The following BORCS5 variants were observed in gnomAD, a reference collection of about 807,000 sequenced individuals.
BORCS5 encodes BLOC-1 related complex subunit 5.
Under a neutral mutation model 22.1 loss-of-function variants are expected in BORCS5, and 17 were observed. The observed-to-expected ratio is 0.77, with a 90% CI of 0.53 to 1.15. The LOEUF (loss-of-function observed/expected upper bound fraction) is 1.15, where lower values mean the gene tolerates loss of function less well. Among genes scored for constraint, BORCS5 ranks in the 50% most tolerant of loss-of-function variants. The pLI is 0.00. For missense variants in BORCS5, 247 were observed against 253.2 expected, an observed-to-expected ratio of 0.98 and a Z score of 0.17; for synonymous variants, 117 against 99.8, an observed-to-expected ratio of 1.17 and a Z score of -1.03.
chr12:12,445,424 T>G (rs926714949), intron 3 of BORCS5, among the ~76,000 whole-genome samples: 3 of 150,448 alleles, frequency 2.0e-5, no homozygotes, highest in Non-Finnish European at 4.4e-5. Flanking sequence ...GATGAGATTA[T>G]CAGTGGTATT....
chr12:12,417,666 CTT>C (rs1565890740), intron 2 of BORCS5, among the ~76,000 whole-genome samples: 1 of 151,908 alleles, frequency 6.6e-6, no homozygotes, highest in Non-Finnish European at 1.5e-5. Context: ...ATTTTTAAAT[CTT>C]TTTTTGAGAC....
chr12:12,436,433 C>G (rs1942556623), intron 3 of BORCS5, among the ~76,000 whole-genome samples: 1 of 152,174 alleles, frequency 6.6e-6, no homozygotes, highest in Non-Finnish European at 1.5e-5. Flanking sequence ...GTATCATTGA[C>G]CAGCTGCTGC....
chr12:12,406,845 C>T (rs1033384899), intron 2 of BORCS5, among the ~76,000 whole-genome samples: 2 of 151,618 alleles, frequency 1.3e-5, no homozygotes, highest in African/African-American at 4.8e-5. Flanking sequence ...AAAGCAAGCT[C>T]TTTTGGGAAG....
intron 3 of BORCS5, among the ~76,000 whole-genome samples, chr12:12,458,888 C>T (rs1418790683): frequency 6.7e-6 from 1 of 149,478 alleles, no homozygotes; most frequent in Non-Finnish European, 1.5e-5. Context: ...AGGAGAATTG[C>T]TTGAACCTGG....
intron 3 of BORCS5, among the ~76,000 whole-genome samples, chr12:12,439,275 C>T (rs112574914): frequency 0.012 from 1,880 of 152,160 alleles, 28 homozygotes; most frequent in South Asian, 0.027. Context: ...TGAAGGTGCT[C>T]TAGGTGATTC....
chr12:12,393,339 C>T (rs1278816985), intron 2 of BORCS5, among the ~76,000 whole-genome samples: 3 of 152,060 alleles, frequency 2.0e-5, no homozygotes, highest in Non-Finnish European at 2.9e-5. Context: ...ACCCAGAATA[C>T]TCTCGCAGGT....
At chr12:12,460,578 A>T (rs1252595580) in intron 3 of BORCS5, among the ~76,000 whole-genome samples, 1 of 152,164 alleles carries the variant, frequency 6.6e-6, no homozygotes, top group Non-Finnish European at 1.5e-5. Flanking sequence ...TCTTAGGGAG[A>T]AAAGTGTCTT....
intron 2 of BORCS5, among the ~76,000 whole-genome samples, chr12:12,374,075 C>T (rs1403757907): frequency 6.8e-6 from 1 of 147,828 alleles, no homozygotes. Context: ...GCAAGCTCTG[C>T]CTCCCGGGTT....
chr12:12,394,321 A>G (rs185736616), intron 2 of BORCS5, among the ~76,000 whole-genome samples: 2 of 151,654 alleles, frequency 1.3e-5, no homozygotes, highest in Admixed American at 1.3e-4. Context: ...TTGAGACTCT[A>G]TCTCAAAAAA....
chr12:12,418,291 G>A lies in BORCS5; in HGVS notation c.203-17337G>A, dbSNP rs919109860. ...CTGACCTCGTGATCTGCCCACCTTG[G>A]CCTCCCAAAGTGCTGAGATTACAGG... is the stretch of plus-strand genomic sequence containing the variant. On this transcript the variant is annotated intron_variant, in intron 2 of 3. Transcript: ENST00000314565. 2.6e-5 allele frequency among the ~76,000 whole-genome samples: 4 copies of A among 151,614 alleles called. No individual in the cohort carries two copies. In the East Asian group the frequency reaches 5.8e-4, roughly 22 times the overall value.
At chr12:12,455,593 A>C (rs1352064958) in intron 3 of BORCS5, among the ~76,000 whole-genome samples, 1 of 152,184 alleles carries the variant, frequency 6.6e-6, no homozygotes. Flanking sequence ...CACCTGGCCT[A>C]CATGGTGAAA....
At chr12:12,465,402 GC>G (rs1943181922) in intron 3 of BORCS5, 143 bp from the exon 4 acceptor site, 2 of 676,826 alleles carry the variant, frequency 3.0e-6, no homozygotes, top group African/African-American at 3.6e-5. Flanking sequence ...TCCCTGAAGG[GC>G]TTTTTAGCCC....
At chr12:12,397,801 A>G (rs1359304349) in intron 2 of BORCS5, among the ~76,000 whole-genome samples, 2 of 152,196 alleles carry the variant, frequency 1.3e-5, no homozygotes, top group East Asian at 3.8e-4. Flanking sequence ...GTAGTGTAAT[A>G]TGTCTGTCCT....
At chr12:12,390,704 T>G (rs1941155287) in intron 2 of BORCS5, among the ~76,000 whole-genome samples, 1 of 151,702 alleles carries the variant, frequency 6.6e-6, no homozygotes, top group Admixed American at 6.6e-5. Context: ...CAGGATTGCT[T>G]GAGCCCAAGA....
At chr12:12,458,425 A>T (rs1466910061) in intron 3 of BORCS5, among the ~76,000 whole-genome samples, 5 of 152,110 alleles carry the variant, frequency 3.3e-5, no homozygotes, top group Non-Finnish European at 7.4e-5. Context: ...TTATTGATAT[A>T]TTCATTCTGG....
In BORCS5 at chr12:12,418,175, C is replaced by T. The variant is rs201223116; in HGVS notation, c.203-17453C>T. Among the ~76,000 whole-genome samples, 8 of 151,218 alleles carry T rather than the reference C, an allele frequency of 5.3e-5. No homozygotes were observed. In the East Asian group the frequency reaches 5.8e-4, roughly 11 times the overall value. On this transcript the variant is annotated intron_variant, in intron 2 of 3. Coordinates refer to ENST00000314565, the MANE Select transcript of BORCS5 (RefSeq NM_058169.6). ...AGTAGCTGGGACTATAGGTGCCTGC[C>T]GCCATGCCTGGCTAATTTTTTTTTT...
intron 2 of BORCS5, among the ~76,000 whole-genome samples, chr12:12,412,900 C>CTTTTTTT (rs869045354): frequency 0.014 from 1,070 of 74,110 alleles, 2 homozygotes; most frequent in East Asian, 0.026. Flanking sequence ...TTGTGGTTTT[C>CTTTTTTT]TTTTTTTTTT....
At chr12:12,402,980 C>T (rs1352279987) in intron 2 of BORCS5, among the ~76,000 whole-genome samples, 2 of 152,070 alleles carry the variant, frequency 1.3e-5, no homozygotes, top group Non-Finnish European at 2.9e-5. Context: ...AGGTACTACT[C>T]ATTATTATTT....
At chr12:12,463,707 C>T (rs1191140753) in intron 3 of BORCS5, among the ~76,000 whole-genome samples, 1 of 152,170 alleles carries the variant, frequency 6.6e-6, no homozygotes, top group African/African-American at 2.4e-5. Context: ...GCTTTGGAGA[C>T]ATTAAACACG....
Sources: gnomAD v4.1 joint callset for allele counts (sites outside exome capture counted in the v4.1 genomes callset) on GRCh38, gnomAD v4.1.1 for gene constraint, MANE v1.5 for transcripts, NCBI Gene and HGNC (gene_info 2026-07-23, HGNC 2026-07-21) for gene names.